The following NEK5 variants were observed in gnomAD, a reference collection of about 807,000 sequenced individuals.
NEK5 encodes NIMA related kinase 5.
Under a neutral mutation model 109.2 loss-of-function variants are expected in NEK5, and 88 were observed. The observed-to-expected ratio is 0.81, with a 90% CI of 0.68 to 0.96. The LOEUF is 0.96. Ranked by LOEUF, NEK5 falls within the 40% of genes least tolerant of loss-of-function variation. The pLI is 0.00. For missense variants in NEK5, 834 were observed against 920.7 expected (o/e 0.91, Z 1.22); for synonymous variants, 283 against 299.9 (o/e 0.94, Z 0.58).
chr13:52,065,618 A>T lies in NEK5; in HGVS notation c.1850-9T>A. 1 of 1,604,068 alleles carries T rather than the reference A, an allele frequency of 6.2e-7. No homozygotes were observed. Among genetic ancestry groups the T allele is most frequent in the Non-Finnish European group, 8.5e-7 (1 of 1,171,132 alleles). Reference sequence around the variant, plus strand: ...AGTCTGCGTGGAAAACCCTGGGTGTAAGAAAACAACTCATTAATTCGAAAG... The same window carrying T: ...AGTCTGCGTGGAAAACCCTGGGTGTTAGAAAACAACTCATTAATTCGAAAG... On this transcript the variant is annotated splice_polypyrimidine_tract_variant and intron_variant, in intron 20 of 23. Transcript: ENST00000684899.
At chr13:52,121,990 C>T (rs1955980262) in intron 3 of NEK5, among the ~76,000 whole-genome samples, 1 of 149,754 alleles carries the variant, frequency 6.7e-6, no homozygotes, top group African/African-American at 2.5e-5. Flanking sequence ...TGGATTTTAA[C>T]TCCTGGGGTC....
chr13:52,067,559 G>T (rs1422881619), intron 20 of NEK5, among the ~76,000 whole-genome samples: 1 of 152,046 alleles, frequency 6.6e-6, no homozygotes, highest in Non-Finnish European at 1.5e-5. Context: ...GCCCCAGTGA[G>T]CACATTCCTT....
chr13:52,128,444 T>C (rs113657394), intron 1 of NEK5, among the ~76,000 whole-genome samples: 3 of 152,346 alleles, frequency 2.0e-5, no homozygotes, highest in African/African-American at 7.2e-5. Context: ...GATTGAAATA[T>C]GTACTTTCTT....
At chr13:52,084,762 A>AGAGTGTGTGT (rs1228944662) in intron 16 of NEK5, among the ~76,000 whole-genome samples, 59 of 47,438 alleles carry the variant, frequency 1.2e-3, no homozygotes, top group African/African-American at 3.6e-3. Context: ...AGAGAGAGAG[A>AGAGTGTGTGT]GTGTGTGTGT....
intron 5 of NEK5, 33 bp downstream of exon 5, chr13:52,112,235 C>T (rs748185747): frequency 8.3e-7 from 1 of 1,206,342 alleles, no homozygotes; most frequent in Admixed American, 1.7e-5. Context: ...ACCACACATA[C>T]ATAAAATTAA....
chr13:52,064,233 T>G (rs1162193677), intron 21 of NEK5, among the ~76,000 whole-genome samples: 13 of 89,334 alleles, frequency 1.5e-4, no homozygotes, highest in Admixed American at 3.9e-4. Context: ...GGTGGGGGGG[T>G]CAGCCCCCCG....
intron 17 of NEK5, among the ~76,000 whole-genome samples, chr13:52,077,327 A>G (rs941856701): frequency 6.6e-6 from 1 of 152,226 alleles, no homozygotes; most frequent in African/African-American, 2.4e-5. Flanking sequence ...CAAATCAAAC[A>G]TATAATAGAT....
chr13:52,050,598 C>T (rs1001646008), intron 22 of NEK5, among the ~76,000 whole-genome samples: 2 of 146,130 alleles, frequency 1.4e-5, no homozygotes, highest in Admixed American at 1.4e-4. Flanking sequence ...CCAAAGCACA[C>T]ACACACCTTC....
intron 23 of NEK5, among the ~76,000 whole-genome samples, chr13:52,049,452 A>G (rs1451862526): frequency 1.3e-5 from 2 of 151,958 alleles, no homozygotes; most frequent in Non-Finnish European, 1.5e-5. Flanking sequence ...TAATAATTTT[A>G]AAAGATTCAT....
At chr13:52,067,988 G>C (rs539535409) in intron 20 of NEK5, among the ~76,000 whole-genome samples, 10 of 152,028 alleles carry the variant, frequency 6.6e-5, no homozygotes, top group Non-Finnish European at 1.0e-4. Context: ...TACCATGCCT[G>C]GTCAACCATC....
rs1034400197 is a variant in NEK5, at chr13:52,126,540, G to A, written c.117+826C>T. Among the ~76,000 whole-genome samples, 67 of 152,316 alleles carry A rather than the reference G, an allele frequency of 4.4e-4. 1 individual carries two copies. Among genetic ancestry groups the A allele is most frequent in the Admixed American group, 4.2e-3 (65 of 15,300 alleles). ...AGCCTGTAATCCCAGCACTTTGGGA[G>A]GCCAAGGCGGGCAGATCACTTGAGC... On this transcript the variant is annotated intron_variant, in intron 3 of 23. Transcript: ENST00000684899.
Position 52,068,348 on chromosome 13 carries a change from G to A in NEK5, c.1850-2739C>T, listed in dbSNP as rs544627240. ...AAAAATATTTCCAATATATAGCACC[G>A]TTATTTCTCTCCATTTATTCAAGTG... On this transcript the variant is annotated intron_variant, in intron 20 of 23. Transcript: ENST00000684899. Among the ~76,000 whole-genome samples the A allele has an allele frequency of 1.6e-4, 24 of 152,060 alleles. No individual in the cohort carries two copies. The South Asian group carries it at 1.7e-3, about 11-fold the overall frequency.
intron 15 of NEK5, 142 bp from the exon 16 acceptor site, chr13:52,086,505 C>G: frequency 1.6e-6 from 1 of 641,406 alleles, no homozygotes; most frequent in Admixed American, 2.8e-5. Context: ...TGATAATCTG[C>G]CTTATGTTTT....
At chr13:52,091,482 T>C (rs927967224) in intron 13 of NEK5, among the ~76,000 whole-genome samples, 2 of 152,210 alleles carry the variant, frequency 1.3e-5, no homozygotes, top group African/African-American at 4.8e-5. Context: ...ATAAAACATA[T>C]GCTTTTCCCG....
In NEK5 at chr13:52,087,457, A is replaced by G. The variant is rs370127611; in HGVS notation, c.1276-3T>C. On this transcript the variant is annotated splice_region_variant and splice_polypyrimidine_tract_variant and intron_variant, in intron 14 of 23. Transcript: ENST00000684899. ...TCGGCAGAAGATGGACGAAGACCCTATTTATTGAATGAAATAATTTATAAT... is the reference window on the plus strand; with the variant it reads ...TCGGCAGAAGATGGACGAAGACCCTGTTTATTGAATGAAATAATTTATAAT... 6 of 1,474,110 alleles carry G rather than the reference A, an allele frequency of 4.1e-6. No homozygotes were observed. The highest frequency in any genetic ancestry group is 3.5e-5 in the Admixed American group (2 of 56,888). 91.3% of individuals were successfully genotyped at this position (1,474,110 alleles called of 1,614,324 possible). A position where few individuals can be genotyped will look rare whatever the true frequency, so the allele number is the denominator to read the frequency against.
At position 52,064,211 on chromosome 13, in the gene NEK5, G is replaced by A. The variant is rs374575242; in HGVS notation, c.1975+1273C>T. Among the ~76,000 whole-genome samples the A allele has an allele frequency of 9.9e-4, 129 of 129,962 alleles. No homozygotes were observed. The East Asian group carries it at 0.011, about 11-fold the overall frequency. 85.3% of individuals were successfully genotyped at this position (129,962 alleles called of 152,430 possible). ...AGCCCCCCGCCCGGCCAGCCGCCCCGTCCGGGAGGGAGGTGGGGGGGTCAG... is the reference window on the plus strand; with the variant it reads ...AGCCCCCCGCCCGGCCAGCCGCCCCATCCGGGAGGGAGGTGGGGGGGTCAG... On this transcript the variant is annotated intron_variant, in intron 21 of 23. Transcript: ENST00000684899.
intron 17 of NEK5, among the ~76,000 whole-genome samples, chr13:52,077,865 G>T (rs538978614): frequency 3.9e-5 from 6 of 151,914 alleles, no homozygotes; most frequent in Non-Finnish European, 8.8e-5. Flanking sequence ...ACCTCAGGTC[G>T]GGAGTTCGAG....
At chr13:52,103,586 G>T (rs1288029546) in intron 9 of NEK5, among the ~76,000 whole-genome samples, 1 of 152,216 alleles carries the variant, frequency 6.6e-6, no homozygotes, top group Non-Finnish European at 1.5e-5. Flanking sequence ...CTGGTGTCTG[G>T]GAACTAAGAT....
In NEK5 at chr13:52,101,963, C is replaced by A; in HGVS notation, c.862G>T (p.Ala288Ser). The stretch of plus-strand genomic sequence containing the variant: ...ACCACCTTCCCAGCATGTCGAGAAG[C>A]TGGCGCTCCTGCTCTGCATATAAGC... Reference protein sequence around the residue: ...HMLICRAGAPASRHAGKVVQK... With the variant: ...HMLICRAGAPSSRHAGKVVQK... Residue 288 changes from alanine (A) to serine (S), a missense_variant, in exon 11 of 24, where the codon GCT (alanine) becomes TCT (serine). Coordinates refer to ENST00000684899, the MANE Select transcript of NEK5 (RefSeq NM_001365552.1). The A allele has an allele frequency of 6.2e-7, 1 of 1,614,154 alleles. No homozygotes were observed. The highest frequency in any genetic ancestry group is 8.5e-7 in the Non-Finnish European group (1 of 1,180,000).
Sources: allele counts gnomAD v4.1 joint callset (sites outside exome capture counted in the v4.1 genomes callset), GRCh38; gene constraint gnomAD v4.1.1; transcripts MANE v1.5; gene names NCBI Gene and HGNC (gene_info 2026-07-23, HGNC 2026-07-21).